PLEKHA3: variants seen among roughly 807,000 people sequenced by gnomAD.
PLEKHA3 encodes pleckstrin homology domain containing A3.
In PLEKHA3, 19 loss-of-function variants were observed where a neutral mutation model predicts 39.2. That is an observed-to-expected ratio of 0.48 (90% CI 0.34 to 0.71). The LOEUF (loss-of-function observed/expected upper bound fraction) is 0.71. Among genes scored for constraint, PLEKHA3 ranks in the 30% least tolerant of loss-of-function variants. The pLI, the probability that PLEKHA3 is intolerant of heterozygous loss-of-function variation, is 0.01. For synonymous variants in PLEKHA3, 97 were observed against 118.6 expected, an observed-to-expected ratio of 0.82 and a Z score of 1.18; for missense variants, 253 against 359.5, an observed-to-expected ratio of 0.70 and a Z score of 2.40.
rs181169529 is a variant in PLEKHA3 at position 178,516,105 on chromosome 2, C to A, written c.*12218C>A. 6.6e-6 allele frequency: 1 copy of A among 150,974 alleles called. No individual in the cohort carries two copies. The highest frequency in any genetic ancestry group is 6.6e-5 in the Admixed American group (1 of 15,166). 9.4% of individuals were successfully genotyped at this position (150,974 alleles called of 1,614,324 possible). A position where few individuals can be genotyped will look rare whatever the true frequency, so the allele number is the denominator to read the frequency against. On this transcript the variant is annotated 3_prime_UTR_variant, in exon 8 of 8. Coordinates refer to ENST00000234453, the MANE Select transcript of PLEKHA3 (RefSeq NM_019091.4). ...ATACATATATATACATAAAATGATT[C>A]TTGCAAAAGTAGTTATGGGTATTTA...
rs1443851833 is a variant in PLEKHA3, at chr2:178,507,421, A to G, written c.*3534A>G. 2 of 152,060 alleles carry G rather than the reference A, an allele frequency of 1.3e-5. No individual in the cohort carries two copies. Among genetic ancestry groups the G allele is most frequent in the African/African-American group, 2.4e-5 (1 of 41,398 alleles). The allele number at this position is 152,060 out of a possible 1,614,324, so 9.4% of individuals were successfully genotyped here. ...TGGGGTTGGTATTGCCTGATTTTCA[A>G]ATTTGCTTAGTTTTTAATGTACCTG... On this transcript the variant is annotated 3_prime_UTR_variant, in exon 8 of 8. Coordinates refer to ENST00000234453, the MANE Select transcript of PLEKHA3 (RefSeq NM_019091.4).
chr2:178,499,299 C>T (rs751612388), intron 6 of PLEKHA3, 45 bp downstream of exon 6: 2 of 1,585,946 alleles, frequency 1.3e-6, no homozygotes, highest in Admixed American at 1.8e-5. Flanking sequence ...AAATTATATC[C>T]ATCTAGGGAA....
rs1025505954 is a variant in PLEKHA3 at position 178,506,164 on chromosome 2, T to C, written c.*2277T>C. 5.3e-5 allele frequency: 8 copies of C among 152,256 alleles called. No homozygotes were observed. The highest frequency in any genetic ancestry group is 1.9e-4 in the African/African-American group (8 of 41,552). 9.4% of individuals were successfully genotyped at this position (152,256 alleles called of 1,614,324 possible). A position where few individuals can be genotyped will look rare whatever the true frequency, so the allele number is the denominator to read the frequency against. On this transcript the variant is annotated 3_prime_UTR_variant, in exon 8 of 8. Transcript: ENST00000234453. ...GTTGTTCTATACTTTATAGAAAAAT[T>C]ATTGGTTATTATTAGTTATTAGTAG...
Position 178,484,035 on chromosome 2 carries a change from C to T in PLEKHA3, c.41-1606C>T, listed in dbSNP as rs1385280640. 2.6e-5 allele frequency among the ~76,000 whole-genome samples: 4 copies of T among 152,192 alleles called. No homozygotes were observed. The East Asian group carries it at 7.7e-4, about 29-fold the overall frequency. ...GAGGCTGTGGTGAGCCATGTTCATG[C>T]CACTGCACTTCAGCCTGGGCAGCAG... is the stretch of plus-strand genomic sequence containing the variant. On this transcript the variant is annotated intron_variant, in intron 1 of 7. Transcript: ENST00000234453.
chr2:178,494,074 A>G, intron 4 of PLEKHA3, 85 bp downstream of exon 4: 3 of 1,441,146 alleles, frequency 2.1e-6, no homozygotes, highest in Admixed American at 2.1e-5. Context: ...GATGACAGGC[A>G]TTTTCACATT....
Position 178,499,231 on chromosome 2 carries a change from C to T in PLEKHA3, c.636C>T (p.His212=). Residue 212 remains histidine (H), a synonymous_variant, in exon 6 of 8, where the codon CAC becomes CAT. Coordinates refer to ENST00000234453, the MANE Select transcript of PLEKHA3 (RefSeq NM_019091.4). The part of the protein sequence containing the change: ...PVQMMKRSVS[H]PGSCSSERSS... ...TCTAGATGAAGCGTTCTGTCAGCCA[C>T]CCTGGTTCTTGCAGTTCAGAGAGGT... 6.2e-7 allele frequency: 1 copy of T among 1,610,632 alleles called. No homozygotes were observed. Among genetic ancestry groups the T allele is most frequent in the Non-Finnish European group, 8.5e-7 (1 of 1,178,622 alleles).
chr2:178,515,034 TTCTC>T lies in PLEKHA3; in HGVS notation c.*11153_*11156del, dbSNP rs1227562360. 3.4e-5 allele frequency: 5 copies of T among 147,818 alleles called. No homozygotes were observed. Among genetic ancestry groups the T allele is most frequent in the African/African-American group, 7.8e-5 (3 of 38,612 alleles). The allele number at this position is 147,818 out of a possible 1,614,324, so 9.2% of individuals were successfully genotyped here. A position where few individuals can be genotyped will look rare whatever the true frequency, so the allele number is the denominator to read the frequency against. On this transcript the variant is annotated 3_prime_UTR_variant, in exon 8 of 8. Transcript: ENST00000234453. Reference sequence around the variant, plus strand: ...CTTACCAATTTTTGGTCTTATAACATTCTCTCTCTTTTTTTTTTTTTTTTTTTGT... The same window carrying T: ...CTTACCAATTTTTGGTCTTATAACATTCTCTTTTTTTTTTTTTTTTTTTGT...
chr2:178,486,845 A>G (rs980607308), intron 2 of PLEKHA3, among the ~76,000 whole-genome samples: 6 of 152,208 alleles, frequency 3.9e-5, no homozygotes, highest in African/African-American at 1.4e-4. Context: ...TTACACATTT[A>G]TTGAACATAT....
At chr2:178,500,372 A>G (rs1239039973) in intron 6 of PLEKHA3, among the ~76,000 whole-genome samples, 1 of 152,126 alleles carries the variant, frequency 6.6e-6, no homozygotes, top group Non-Finnish European at 1.5e-5. Flanking sequence ...GAAAAATGGA[A>G]GCTTAATCAA....
At position 178,490,817 on chromosome 2, in the gene PLEKHA3, A is replaced by G. The variant is rs1424939848; in HGVS notation, c.313+3A>G. ...TACAAGGACTAAAAAAGAAAAAGGT[A>G]ACTATAAACTTTTCCCTTGTGGTGA... On this transcript the variant is annotated splice_donor_region_variant and intron_variant, in intron 3 of 7. Coordinates refer to ENST00000234453, the MANE Select transcript of PLEKHA3 (RefSeq NM_019091.4). 5 of 1,599,606 alleles carry G rather than the reference A, an allele frequency of 3.1e-6. No individual in the cohort carries two copies. The highest frequency in any genetic ancestry group is 4.3e-6 in the Non-Finnish European group (5 of 1,174,434).
chr2:178,483,460 G>A (rs1180222914), intron 1 of PLEKHA3, among the ~76,000 whole-genome samples: 1 of 152,072 alleles, frequency 6.6e-6, no homozygotes, highest in Non-Finnish European at 1.5e-5. Flanking sequence ...TCTTCAAAAA[G>A]TGTGTAGAGA....
intron 6 of PLEKHA3, among the ~76,000 whole-genome samples, 194 bp from the exon 7 acceptor site, chr2:178,500,867 A>C (rs1327934773): frequency 6.6e-6 from 1 of 151,982 alleles, no homozygotes; most frequent in African/African-American, 2.4e-5. Flanking sequence ...CAGAAGCCAT[A>C]TTCTCCAGGT....
intron 2 of PLEKHA3, 97 bp from the exon 3 acceptor site, chr2:178,490,562 A>T: frequency 8.1e-7 from 1 of 1,232,576 alleles, no homozygotes; most frequent in Non-Finnish European, 1.1e-6. Flanking sequence ...TGTTTTTGGT[A>T]TATGAAGCAT....
intron 4 of PLEKHA3, 126 bp downstream of exon 4, chr2:178,494,115 T>A: frequency 1.0e-6 from 1 of 1,001,888 alleles, no homozygotes; most frequent in Non-Finnish European, 1.4e-6. Context: ...GGGTTCTGCC[T>A]ACTGTATACT....
intron 5 of PLEKHA3, among the ~76,000 whole-genome samples, chr2:178,498,037 T>C (rs1459387774): frequency 1.3e-5 from 2 of 152,290 alleles, no homozygotes; most frequent in Admixed American, 6.5e-5. Context: ...TCCAAAACAA[T>C]TTAATCTGAT....
rs929984134 is a variant in PLEKHA3 at position 178,515,040 on chromosome 2, CTCTTTTTTTTT to C, written c.*11155_*11165del. ...AATTTTTGGTCTTATAACATTCTCT[CTCTTTTTTTTT>C]TTTTTTTTTTGTAGCATATGGCTTC... On this transcript the variant is annotated 3_prime_UTR_variant, in exon 8 of 8. Coordinates refer to ENST00000234453, the MANE Select transcript of PLEKHA3 (RefSeq NM_019091.4). 1.4e-5 allele frequency: 2 copies of C among 138,726 alleles called. No homozygotes were observed. Among genetic ancestry groups the C allele is most frequent in the East Asian group, 2.1e-4 (1 of 4,832 alleles). 8.6% of individuals were successfully genotyped at this position (138,726 alleles called of 1,614,324 possible). A position where few individuals can be genotyped will look rare whatever the true frequency, so the allele number is the denominator to read the frequency against.
rs1413615564 is a variant in PLEKHA3, at chr2:178,496,387, AG to A, written c.615+729del. ...AAGTTTATTGCATCAAAGTGTTTTT[AG>A]GAGTCCATTTATAGGAGTAAGAATG... is the stretch of plus-strand genomic sequence containing the variant. On this transcript the variant is annotated intron_variant, in intron 5 of 7. Coordinates refer to ENST00000234453, the MANE Select transcript of PLEKHA3 (RefSeq NM_019091.4). Among the ~76,000 whole-genome samples the A allele has an allele frequency of 4.6e-5, 7 of 152,344 alleles. No individual in the cohort carries two copies. The East Asian group carries it at 1.4e-3, about 29-fold the overall frequency.
intron 3 of PLEKHA3, among the ~76,000 whole-genome samples, chr2:178,492,575 A>G (rs541485913): frequency 1.3e-5 from 2 of 152,088 alleles, no homozygotes; most frequent in South Asian, 4.1e-4. Flanking sequence ...ATACATATGT[A>G]ACTAACCTGC....
chr2:178,513,558 G>A lies in PLEKHA3; in HGVS notation c.*9671G>A, dbSNP rs924208376. The A allele has an allele frequency of 2.8e-4, 42 of 152,254 alleles. 1 individual carries two copies. Among genetic ancestry groups the A allele is most frequent in the Admixed American group, 2.1e-3 (32 of 15,300 alleles). The allele number at this position is 152,254 out of a possible 1,614,324, so 9.4% of individuals were successfully genotyped here. Reference sequence around the variant, plus strand: ...AGTGGTTTTCTTTAATTGTGTATGCGTGAGTGTGACAGTGTGTGTGCCTGT... The same window carrying A: ...AGTGGTTTTCTTTAATTGTGTATGCATGAGTGTGACAGTGTGTGTGCCTGT... On this transcript the variant is annotated 3_prime_UTR_variant, in exon 8 of 8. Transcript: ENST00000234453.
Sources: gnomAD v4.1 joint callset for allele counts (sites outside exome capture counted in the v4.1 genomes callset) on GRCh38, gnomAD v4.1.1 for gene constraint, MANE v1.5 for transcripts, NCBI Gene and HGNC (gene_info 2026-07-23, HGNC 2026-07-21) for gene names.